Variants in FAM219B observed in about 807,000 individuals in gnomAD.
FAM219B encodes protein FAM219B.
A neutral mutation model predicts 19.9 loss-of-function variants in FAM219B; 18 were observed. The ratio of observed to expected loss-of-function variants is 0.91; its 90% CI spans 0.63 to 1.34. The LOEUF (loss-of-function observed/expected upper bound fraction) is 1.34. FAM219B is among the 40% of genes most tolerant of loss of function. The probability of loss-of-function intolerance (pLI) is 0.00; values close to 1 mark genes in which losing one functional copy is unlikely to be tolerated. For synonymous variants in FAM219B, 123 were observed against 117.5 expected (o/e 1.05, Z -0.30); for missense variants, 283 against 270.5 (o/e 1.05, Z -0.32).
chr15:74,905,410 G>C (rs1161292341), intron 2 of FAM219B, 179 bp from the exon 3 acceptor site: 1 of 578,186 alleles, frequency 1.7e-6, no homozygotes, highest in Non-Finnish European at 3.1e-6. Flanking sequence ...GCCTCAGAAT[G>C]TGTATGTTCT....
Position 74,902,424 on chromosome 15 carries a change from A to C in FAM219B, c.*195T>G. Reference sequence around the variant, plus strand: ...CAAACTCTGCTCCAACAGCAGAGGAAAACTACAGAATTCTACCTATCAGCC... The same window carrying C: ...CAAACTCTGCTCCAACAGCAGAGGACAACTACAGAATTCTACCTATCAGCC... On this transcript the variant is annotated 3_prime_UTR_variant, in exon 5 of 5. Coordinates refer to ENST00000357635, the MANE Select transcript of FAM219B (RefSeq NM_020447.5). The C allele has an allele frequency of 2.3e-6, 1 of 440,494 alleles. No homozygotes were observed. The highest frequency in any genetic ancestry group is 9.0e-5 in the South Asian group (1 of 11,050). The allele number at this position is 440,494 out of a possible 1,614,324, so 27.3% of individuals were successfully genotyped here. A position where few individuals can be genotyped will look rare whatever the true frequency, so the allele number is the denominator to read the frequency against.
At chr15:74,904,036 AG>A (rs1210292277) in intron 4 of FAM219B, among the ~76,000 whole-genome samples, 2 of 152,216 alleles carry the variant, frequency 1.3e-5, no homozygotes, top group African/African-American at 4.8e-5. Context: ...CTGATCTCAG[AG>A]AAACTAGAGT....
intron 4 of FAM219B, among the ~76,000 whole-genome samples, chr15:74,903,835 G>A (rs4886636): frequency 0.45 from 68,389 of 151,864 alleles, 16,397 homozygotes; most frequent in Non-Finnish European, 0.54. Flanking sequence ...AAAGGGAATG[G>A]GCTTCACTTG....
rs1441014433 is a variant in FAM219B, at chr15:74,902,176, GTTTCTTT to G, written c.*436_*442del. 3 of 398,620 alleles carry G rather than the reference GTTTCTTT, an allele frequency of 7.5e-6. No homozygotes were observed. Among genetic ancestry groups the G allele is most frequent in the Non-Finnish European group, 1.3e-5 (3 of 226,112 alleles). 24.7% of individuals were successfully genotyped at this position (398,620 alleles called of 1,614,324 possible). Reference sequence around the variant, plus strand: ...GAATTTCTCGAACTGGTCTCAAACAGTTTCTTTTTTGGATTGCCAGCTATAATAAACC... The same window carrying G: ...GAATTTCTCGAACTGGTCTCAAACAGTTTGGATTGCCAGCTATAATAAACC... On this transcript the variant is annotated 3_prime_UTR_variant, in exon 5 of 5. Transcript: ENST00000357635.
In FAM219B at chr15:74,901,924, G is replaced by C. The variant is rs887499027; in HGVS notation, c.*695C>G. ...GAGCAGTTTTTCTCTAACTAGGGAA[G>C]GGCAAACCAGAATCACTAAACTCAC... On this transcript the variant is annotated 3_prime_UTR_variant, in exon 5 of 5. Coordinates refer to ENST00000357635, the MANE Select transcript of FAM219B (RefSeq NM_020447.5). 1.4e-4 allele frequency: 54 copies of C among 395,250 alleles called. No individual in the cohort carries two copies. Among genetic ancestry groups the C allele is most frequent in the Non-Finnish European group, 2.4e-4 (54 of 224,566 alleles). 24.5% of individuals were successfully genotyped at this position (395,250 alleles called of 1,614,324 possible). A position where few individuals can be genotyped will look rare whatever the true frequency, so the allele number is the denominator to read the frequency against.
chr15:74,904,533 G>T, intron 4 of FAM219B, 131 bp downstream of exon 4: 1 of 1,109,046 alleles, frequency 9.0e-7, no homozygotes, highest in Non-Finnish European at 1.4e-6. Flanking sequence ...AGAGGGCAGA[G>T]TGGAAGATCG....
In FAM219B at chr15:74,906,298, GC is replaced by G. The variant is rs1566962785; in HGVS notation, c.281del (p.Arg94ProfsTer10). The G allele has an allele frequency of 6.2e-7, 1 of 1,613,610 alleles. No homozygotes were observed. The highest frequency in any genetic ancestry group is 8.5e-7 in the Non-Finnish European group (1 of 1,179,934). ...RKGMLGASPN[R>X]PDSSGKRSVK... is the part of the protein sequence containing the mutation. ...GAGACCTTTTCCCTGAAGAGTCTGGGCGGTTCGGCGAGGCCCCCAGCATGCC... is the reference window on the plus strand; with the variant it reads ...GAGACCTTTTCCCTGAAGAGTCTGGGGGTTCGGCGAGGCCCCCAGCATGCC... On this transcript the variant is annotated frameshift_variant, in exon 2 of 5. Transcript: ENST00000357635. LOFTEE classifies it high-confidence loss of function.
rs1339976547 is a variant in FAM219B, at chr15:74,906,717, C to T, written c.84G>A (p.Pro28=). The change falls in exon 1 of 5, where the codon CCG becomes CCA. Residue 28 remains proline (P), a synonymous_variant. Transcript: ENST00000357635. ...PRPSGARDRA[P]GAAGPPSGQI... is the part of the protein sequence containing the mutation. Reference sequence around the variant, plus strand: ...GCCCGGAGGGTGGCCCCGCAGCTCCCGGCGCGCGGTCCCGAGCCCCGCTGG... The same window carrying T: ...GCCCGGAGGGTGGCCCCGCAGCTCCTGGCGCGCGGTCCCGAGCCCCGCTGG... 5 of 1,385,192 alleles carry T rather than the reference C, an allele frequency of 3.6e-6. No individual in the cohort carries two copies. The highest frequency in any genetic ancestry group is 4.7e-6 in the Non-Finnish European group (5 of 1,067,364). 85.8% of individuals were successfully genotyped at this position (1,385,192 alleles called of 1,614,324 possible). A position where few individuals can be genotyped will look rare whatever the true frequency, so the allele number is the denominator to read the frequency against.
chr15:74,904,856 G>T lies in FAM219B; in HGVS notation c.381-144C>A, dbSNP rs533135914. Reference sequence around the variant, plus strand: ...CAGAACTCAAGTCCGAACAGGCCTTGAATAATACTGGTTCCCTCAATTGGT... The same window carrying T: ...CAGAACTCAAGTCCGAACAGGCCTTTAATAATACTGGTTCCCTCAATTGGT... On this transcript the variant is annotated intron_variant, in intron 3 of 4. Transcript: ENST00000357635. 7.3e-4 allele frequency: 1,034 copies of T among 1,424,790 alleles called. 4 individuals are homozygous for T. In the Middle Eastern group the frequency reaches 8.4e-3, roughly 12 times the overall value. The allele number at this position is 1,424,790 out of a possible 1,614,324, so 88.3% of individuals were successfully genotyped here.
chr15:74,898,095 C>G, downstream of FAM219B: 1 of 375,764 alleles, frequency 2.7e-6, no homozygotes. Context: ...CAGGTAATTT[C>G]TAAGAACAGG....
intron 3 of FAM219B, 28 bp from the exon 4 acceptor site, chr15:74,904,740 C>T (rs370919892): frequency 6.4e-5 from 103 of 1,613,924 alleles, no homozygotes; most frequent in Non-Finnish European, 7.9e-5. Context: ...CAGTCAGTTC[C>T]GGGAGGTACC....
Position 74,906,650 on chromosome 15 carries a change from C to T in FAM219B, c.151G>A (p.Ala51Thr). ...TATGGCCCCCGCTTTTCCACGGCCGCGGGGGTGCGCTCCCCCAGACGGAGG... is the reference window on the plus strand; with the variant it reads ...TATGGCCCCCGCTTTTCCACGGCCGTGGGGGTGCGCTCCCCCAGACGGAGG... ...RALRLGERTP[A>T]AVEKRGPYMV... The change falls in exon 1 of 5, where the codon GCG becomes ACG. Residue 51 changes from alanine (A) to threonine (T), a missense_variant. Ala to Thr is a moderately conservative substitution (Grantham distance 58). Coordinates refer to ENST00000357635, the MANE Select transcript of FAM219B (RefSeq NM_020447.5). 6.6e-7 allele frequency: 1 copy of T among 1,506,898 alleles called. No individual in the cohort carries two copies. The highest frequency in any genetic ancestry group is 8.8e-7 in the Non-Finnish European group (1 of 1,132,262). 93.3% of individuals were successfully genotyped at this position (1,506,898 alleles called of 1,614,324 possible).
rs2064974699 is a variant in FAM219B, at chr15:74,901,895, G to A, written c.*724C>T. 2 of 389,388 alleles carry A rather than the reference G, an allele frequency of 5.1e-6. No homozygotes were observed. Among genetic ancestry groups the A allele is most frequent in the South Asian group, 2.9e-4 (2 of 6,952 alleles). 24.1% of individuals were successfully genotyped at this position (389,388 alleles called of 1,614,324 possible). A position where few individuals can be genotyped will look rare whatever the true frequency, so the allele number is the denominator to read the frequency against. On this transcript the variant is annotated 3_prime_UTR_variant, in exon 5 of 5. Transcript: ENST00000357635. Reference sequence around the variant, plus strand: ...AATACAAATAAATAAATATGAACATGTCAGAGCAGTTTTTCTCTAACTAGG... The same window carrying A: ...AATACAAATAAATAAATATGAACATATCAGAGCAGTTTTTCTCTAACTAGG...
downstream of FAM219B, chr15:74,898,224 T>C (rs1226893933): frequency 3.9e-6 from 1 of 259,530 alleles, no homozygotes; most frequent in Admixed American, 4.8e-5. Context: ...ATCACTTGTG[T>C]TGAGGCTGTG....
chr15:74,897,974 C>T (rs916219828), downstream of FAM219B: 4 of 561,410 alleles, frequency 7.1e-6, no homozygotes, highest in Admixed American at 2.7e-5. Flanking sequence ...CCTCTCTACT[C>T]CTCGCTACAC....
At chr15:74,898,080 G>A (rs1448369172), downstream of FAM219B, 1 of 387,376 alleles carries the variant, frequency 2.6e-6, no homozygotes, top group African/African-American at 2.1e-5. Context: ...GTCAGAGCAA[G>A]AGACCAGGTA....
chr15:74,904,468 T>C (rs568258378), intron 4 of FAM219B, among the ~76,000 whole-genome samples, 196 bp downstream of exon 4: 10 of 152,322 alleles, frequency 6.6e-5, no homozygotes, highest in African/African-American at 2.2e-4. Flanking sequence ...TGAGTCTAAA[T>C]GGTCTCCTCG....
chr15:74,906,215 C>G (rs902397484), intron 2 of FAM219B, 63 bp downstream of exon 2: 5 of 1,557,702 alleles, frequency 3.2e-6, no homozygotes, highest in East Asian at 2.3e-5. Flanking sequence ...ACCCTGCCTC[C>G]GTCCTGGGGA....
chr15:74,898,161 T>C (rs1439049031), downstream of FAM219B: 7 of 344,750 alleles, frequency 2.0e-5, no homozygotes, highest in Non-Finnish European at 3.4e-5. Flanking sequence ...AGGGAAAGGG[T>C]AGGCCTGTAG....
Sources: gnomAD v4.1 joint callset for allele counts (sites outside exome capture counted in the v4.1 genomes callset) on GRCh38, gnomAD v4.1.1 for gene constraint, MANE v1.5 for transcripts, NCBI Gene and HGNC (gene_info 2026-07-23, HGNC 2026-07-21) for gene names.